The following SORCS3 variants were observed in gnomAD, a reference collection of about 807,000 sequenced individuals.
The protein encoded by SORCS3 is sortilin related VPS10 domain containing receptor 3.
Under a neutral mutation model 146.3 loss-of-function variants are expected in SORCS3, and 57 were observed. The ratio of observed to expected loss-of-function variants is 0.39; its 90% confidence interval spans 0.31 to 0.49. The LOEUF (loss-of-function observed/expected upper bound fraction) is 0.49. Among genes scored for constraint, SORCS3 ranks in the 20% least tolerant of loss-of-function variants. SORCS3 has a pLI of 0.92. For missense variants in SORCS3, 1,341 were observed against 1,575.5 expected (o/e 0.85, Z 2.52); for synonymous variants, 653 against 618.5 (o/e 1.06, Z -0.83).
At chr10:105,139,633 C>G (rs2056081977) in intron 8 of SORCS3, 147 bp downstream of exon 8, 1 of 592,866 alleles carries the variant, frequency 1.7e-6, no homozygotes, top group East Asian at 2.8e-5. Flanking sequence ...TTTGGCCTCC[C>G]TTAGTGGTGC....
chr10:104,918,448 G>T (rs1315894964), intron 3 of SORCS3, among the ~76,000 whole-genome samples: 2 of 152,158 alleles, frequency 1.3e-5, no homozygotes, highest in Admixed American at 1.3e-4. Context: ...TAGCGTAGGG[G>T]TTCAAAATTG....
At chr10:105,015,163 A>T (rs2055157744) in intron 4 of SORCS3, among the ~76,000 whole-genome samples, 2 of 152,204 alleles carry the variant, frequency 1.3e-5, no homozygotes, top group South Asian at 4.1e-4. Context: ...TGGGAACCCT[A>T]GTATGTCCTG....
At chr10:104,827,143 T>A (rs898607325) in intron 1 of SORCS3, among the ~76,000 whole-genome samples, 1 of 152,190 alleles carries the variant, frequency 6.6e-6, no homozygotes, top group Non-Finnish European at 1.5e-5. Context: ...TATTCCAGAC[T>A]CCTATTCATG....
chr10:104,977,542 T>A, intron 4 of SORCS3, 49 bp downstream of exon 4: 1 of 1,502,388 alleles, frequency 6.7e-7, no homozygotes, highest in South Asian at 1.3e-5. Flanking sequence ...GGTACCACCA[T>A]GTGAAAATCA....
chr10:104,718,722 T>A (rs190163563), intron 1 of SORCS3, among the ~76,000 whole-genome samples: 1 of 152,126 alleles, frequency 6.6e-6, no homozygotes, highest in Non-Finnish European at 1.5e-5. Context: ...GTAAAGACCA[T>A]AACAGAAGGA....
intron 2 of SORCS3, 46 bp from the exon 3 acceptor site, chr10:104,915,787 A>G (rs2019020653): frequency 6.5e-7 from 1 of 1,541,422 alleles, no homozygotes; most frequent in Non-Finnish European, 9.0e-7. Flanking sequence ...ATAGCTGCCC[A>G]TTGGTAAAAT....
At chr10:104,981,776 G>A (rs543720960) in intron 4 of SORCS3, among the ~76,000 whole-genome samples, 5 of 152,316 alleles carry the variant, frequency 3.3e-5, no homozygotes, top group South Asian at 4.1e-4. Flanking sequence ...GGGGCCTTCC[G>A]TAGGAGATGG....
At chr10:105,245,289 A>T (rs1168722679) in intron 20 of SORCS3, among the ~76,000 whole-genome samples, 1 of 152,152 alleles carries the variant, frequency 6.6e-6, no homozygotes, top group Non-Finnish European at 1.5e-5. Flanking sequence ...AAGGAGCAGA[A>T]TGACATGCAA....
intron 23 of SORCS3, 39 bp downstream of exon 23, chr10:105,252,945 C>G: frequency 6.2e-7 from 1 of 1,603,808 alleles, no homozygotes; most frequent in Non-Finnish European, 8.5e-7. Context: ...CTTGCCTGCA[C>G]CCTACACCCT....
rs201650464 is a variant in SORCS3 at position 104,941,815 on chromosome 10, G to GT, written c.795+25884dup. Among the ~76,000 whole-genome samples the GT allele has an allele frequency of 2.4e-3, 338 of 143,322 alleles. 2 individuals are homozygous for GT. Among genetic ancestry groups the GT allele is most frequent in the African/African-American group, 8.8e-3 (323 of 36,788 alleles). The allele number at this position is 143,322 out of a possible 152,430, so 94.0% of individuals were successfully genotyped here. ...CTTCTTGCTCTGGCTCCAAAGCAAA[G>GT]TAAAAAAAAAAGCTGTCAACTCCCC... On this transcript the variant is annotated intron_variant, in intron 3 of 26. Transcript: ENST00000369701.
At chr10:104,767,527 T>A (rs1042502893) in intron 1 of SORCS3, among the ~76,000 whole-genome samples, 3 of 152,058 alleles carry the variant, frequency 2.0e-5, no homozygotes, top group African/African-American at 7.2e-5. Flanking sequence ...TCAGTACATG[T>A]CTTTGGAAAT....
intron 13 of SORCS3, among the ~76,000 whole-genome samples, chr10:105,169,953 C>T (rs758559063): frequency 1.1e-4 from 16 of 152,114 alleles, no homozygotes; most frequent in Admixed American, 7.9e-4. Context: ...GGCTAGCAAC[C>T]GACCCTTAAA....
chr10:105,226,917 C>T (rs1432852171), intron 20 of SORCS3, among the ~76,000 whole-genome samples: 1 of 151,632 alleles, frequency 6.6e-6, no homozygotes, highest in African/African-American at 2.4e-5. Flanking sequence ...CCTCCTTTTC[C>T]ATTTCTGATT....
At chr10:105,200,803 A>C (rs2056570023) in intron 15 of SORCS3, among the ~76,000 whole-genome samples, 1 of 152,182 alleles carries the variant, frequency 6.6e-6, no homozygotes. Context: ...ATTTGGGCAA[A>C]TGTACCTGGT....
rs187954650 is a variant in SORCS3 at position 105,165,097 on chromosome 10, T to C, written c.1809+718T>C. 5.1e-4 allele frequency among the ~76,000 whole-genome samples: 77 copies of C among 152,276 alleles called. No individual in the cohort carries two copies. In the East Asian group the frequency reaches 0.011, roughly 22 times the overall value. ...TAATTTAAATTTAAATACTCTCTTA[T>C]GGCTACTATATTGGACAAATAGACT... On this transcript the variant is annotated intron_variant, in intron 12 of 26. Coordinates refer to ENST00000369701, the MANE Select transcript of SORCS3 (RefSeq NM_014978.3).
intron 7 of SORCS3, among the ~76,000 whole-genome samples, chr10:105,115,220 A>G (rs2055885046): frequency 6.6e-6 from 1 of 152,194 alleles, no homozygotes; most frequent in Non-Finnish European, 1.5e-5. Context: ...TCAGAGTACT[A>G]ATTTTCTCAT....
chr10:105,072,461 C>A (rs1053844221), intron 5 of SORCS3, among the ~76,000 whole-genome samples: 5 of 152,086 alleles, frequency 3.3e-5, no homozygotes, highest in African/African-American at 1.2e-4. Flanking sequence ...CTTGATCTTC[C>A]CCTGAGCAGC....
intron 4 of SORCS3, among the ~76,000 whole-genome samples, chr10:105,007,890 A>G (rs1165833064): frequency 6.6e-6 from 1 of 152,142 alleles, no homozygotes; most frequent in Non-Finnish European, 1.5e-5. Flanking sequence ...CTCCAGAAAT[A>G]TGGGGACCTC....
chr10:104,641,523 A>C lies in SORCS3; in HGVS notation c.196A>C (p.Ser66Arg), dbSNP rs1351487801. ...LSPLSPRAVA[S>R]QWPEELASAR... ...TCCACTCTCGCCGCGGGCAGTGGCC[A>C]GCCAGTGGCCGGAGGAGCTGGCGTC... The change falls in exon 1 of 27, where the codon AGC (serine) becomes CGC (arginine). Residue 66 changes from serine (S) to arginine (R), a missense_variant. Transcript: ENST00000369701. This position sits in a 1 kb window ranked among gnomAD's most constrained non-coding sequence, Gnocchi z 6.4. 12 of 1,474,290 alleles carry C rather than the reference A, an allele frequency of 8.1e-6. No individual in the cohort carries two copies. The highest frequency in any genetic ancestry group is 4.8e-5 in the Admixed American group (2 of 41,500). The allele number at this position is 1,474,290 out of a possible 1,614,324, so 91.3% of individuals were successfully genotyped here. A position where few individuals can be genotyped will look rare whatever the true frequency, so the allele number is the denominator to read the frequency against.
Sources: gnomAD v4.1 joint callset for allele counts (sites outside exome capture counted in the v4.1 genomes callset) on GRCh38, gnomAD v4.1.1 for gene constraint, Gnocchi (gnomAD v3.1) non-coding constraint, MANE v1.5 for transcripts, NCBI Gene and HGNC (gene_info 2026-07-23, HGNC 2026-07-21) for gene names.